The following CLEC2A variants were observed in gnomAD, a reference collection of about 807,000 sequenced individuals.
The protein encoded by CLEC2A is C-type lectin domain family 2 member A, also known as keratinocyte-associated C-type lectin.
In CLEC2A, 19 loss-of-function variants were observed where a neutral mutation model predicts 18.6. The observed-to-expected ratio is 1.02, with a 90% CI of 0.71 to 1.50. The LOEUF is 1.50. Among genes scored for constraint, CLEC2A ranks in the 40% most tolerant of loss-of-function variants. CLEC2A has a pLI of 0.00. For missense variants in CLEC2A, 190 were observed against 207.9 expected (o/e 0.91, Z 0.53); for synonymous variants, 74 against 64.0 (o/e 1.16, Z -0.75).
At chr12:9,886,726 G>A in the CLEC2A span, among the ~76,000 whole-genome samples, 50 of 148,160 alleles carry the variant, frequency 3.4e-4, no homozygotes, top group African/African-American at 1.1e-3. Context: ...TCAATCTGTC[G>A]GTCTATTTAC....
chr12:9,891,236 G>A, the CLEC2A span, among the ~76,000 whole-genome samples: 3 of 149,482 alleles, frequency 2.0e-5, no homozygotes, highest in Admixed American at 6.7e-5. Flanking sequence ...TGTGTATGTT[G>A]TTATTATTAT....
intron 4 of CLEC2A, chr12:9,898,997 A>G (rs1281603407): frequency 1.4e-6 from 1 of 710,466 alleles, no homozygotes; most frequent in Non-Finnish European, 2.6e-6. Flanking sequence ...GAACAGACAA[A>G]CCGGATTATT....
exon 5 of CLEC2A, chr12:9,898,859 G>A: frequency 2.8e-6 from 2 of 705,258 alleles, no homozygotes. Context: ...CTGCTGACAG[G>A]GGACATTGTT....
At chr12:9,906,870 A>G (rs1247280535) in intron 4 of CLEC2A, among the ~76,000 whole-genome samples, 1 of 152,194 alleles carries the variant, frequency 6.6e-6, no homozygotes, top group Non-Finnish European at 1.5e-5. Context: ...AGGTTTGGAT[A>G]CCCTGTTAAG....
chr12:9,889,848 A>T, the CLEC2A span, among the ~76,000 whole-genome samples: 5 of 152,160 alleles, frequency 3.3e-5, no homozygotes, highest in Admixed American at 2.0e-4. Context: ...TATATGCTAT[A>T]TCAATATATA....
At chr12:9,910,206 T>C (rs1862963333), downstream of CLEC2A, among the ~76,000 whole-genome samples, 1 of 152,228 alleles carries the variant, frequency 6.6e-6, no homozygotes, top group South Asian at 2.1e-4. Context: ...TGCTTTCTTT[T>C]ATGTTTGGTT....
At chr12:9,902,870 ATTAGTCCCAG>A (rs1193998274) in intron 4 of CLEC2A, among the ~76,000 whole-genome samples, 1 of 152,186 alleles carries the variant, frequency 6.6e-6, no homozygotes, top group Admixed American at 6.5e-5. Flanking sequence ...CACAACCTAA[ATTAGTCCCAG>A]TTGGCTAAAC....
the CLEC2A span, among the ~76,000 whole-genome samples, chr12:9,890,209 A>G: frequency 6.6e-6 from 1 of 152,202 alleles, no homozygotes; most frequent in Non-Finnish European, 1.5e-5. Context: ...CAATCTCACT[A>G]TAACTCCTGC....
At chr12:9,913,870 T>C (rs527521433) in intron 4 of CLEC2A, among the ~76,000 whole-genome samples, 190 bp from the exon 5 acceptor site, 1 of 152,334 alleles carries the variant, frequency 6.6e-6, no homozygotes, top group African/African-American at 2.4e-5. Flanking sequence ...ACATAAGTGT[T>C]GGAGTTAAAA....
chr12:9,917,892 G>A (rs1863098668), intron 3 of CLEC2A, among the ~76,000 whole-genome samples: 1 of 152,078 alleles, frequency 6.6e-6, no homozygotes, highest in African/African-American at 2.4e-5. Flanking sequence ...TTGGTGAAAT[G>A]TATGTCTTCT....
the CLEC2A span, among the ~76,000 whole-genome samples, chr12:9,886,193 A>G: frequency 6.6e-6 from 1 of 152,288 alleles, no homozygotes; most frequent in South Asian, 2.1e-4. Flanking sequence ...TTATTCTAAT[A>G]AATTAGTAAC....
chr12:9,892,281 C>G, the CLEC2A span, among the ~76,000 whole-genome samples: 8 of 152,248 alleles, frequency 5.3e-5, no homozygotes, highest in Non-Finnish European at 7.4e-5. Flanking sequence ...GAACGAAAAG[C>G]ACAGGAGAAT....
chr12:9,893,295 T>C, the CLEC2A span: 69 of 901,350 alleles, frequency 7.7e-5, no homozygotes, highest in South Asian at 1.3e-3. Flanking sequence ...ATGTAGTCAC[T>C]ATTGTTCATG....
chr12:9,890,344 G>T, the CLEC2A span, among the ~76,000 whole-genome samples: 4 of 152,148 alleles, frequency 2.6e-5, no homozygotes, highest in Admixed American at 6.5e-5. Context: ...TCTGCTCAGG[G>T]TCTCACAGGC....
chr12:9,910,710 T>C (rs146564607), downstream of CLEC2A, among the ~76,000 whole-genome samples: 227 of 150,828 alleles, frequency 1.5e-3, no homozygotes, highest in African/African-American at 5.5e-3. Flanking sequence ...TGCATAGAGT[T>C]ACCTGGTTGC....
At chr12:9,884,555 A>G in the CLEC2A span, among the ~76,000 whole-genome samples, 1 of 149,412 alleles carries the variant, frequency 6.7e-6, no homozygotes, top group African/African-American at 2.4e-5. Flanking sequence ...TTCTTTCTAT[A>G]TAATTTACAT....
At chr12:9,930,520 G>C (rs1863357805) in intron 1 of CLEC2A, among the ~76,000 whole-genome samples, 1 of 151,774 alleles carries the variant, frequency 6.6e-6, no homozygotes, top group South Asian at 2.1e-4. Context: ...CATTTGATTT[G>C]TTATCCCTCT....
intron 1 of CLEC2A, among the ~76,000 whole-genome samples, chr12:9,929,331 T>G (rs1863334898): frequency 6.6e-6 from 1 of 152,152 alleles, no homozygotes; most frequent in South Asian, 2.1e-4. Context: ...ACAGTGAACA[T>G]TTTTTTCTTG....
the CLEC2A span, among the ~76,000 whole-genome samples, chr12:9,892,830 C>T: frequency 6.6e-6 from 1 of 151,310 alleles, no homozygotes; most frequent in South Asian, 2.1e-4. Context: ...GTGATCCACC[C>T]ACCTCAGCCT....
Sources: allele counts gnomAD v4.1 joint callset (sites outside exome capture counted in the v4.1 genomes callset), GRCh38; gene constraint gnomAD v4.1.1; transcripts MANE v1.5; gene names NCBI Gene and HGNC (gene_info 2026-07-23, HGNC 2026-07-21).